ANO5: variants seen among roughly 807,000 people sequenced by gnomAD.
ANO5 encodes anoctamin-5.
ANO5 carries 109 observed loss-of-function variants against 121.0 expected under a neutral mutation model. The observed-to-expected ratio is 0.90, with a 90% confidence interval of 0.77 to 1.06. The LOEUF is 1.06. Ranked by LOEUF, ANO5 falls within the 50% of genes least tolerant of loss-of-function variation. The probability of loss-of-function intolerance (pLI) is 0.00; values close to 1 mark genes in which losing one functional copy is unlikely to be tolerated. For missense variants in ANO5, 1,064 were observed against 1,078.5 expected (o/e 0.99, Z 0.19); for synonymous variants, 406 against 359.9 (o/e 1.13, Z -1.45).
At chr11:22,239,764 C>A in intron 9 of ANO5, 80 bp downstream of exon 9, 1 of 1,082,630 alleles carries the variant, frequency 9.2e-7, no homozygotes, top group South Asian at 1.3e-5. Context: ...ATTTTTTTTA[C>A]TACTATTTTC....
At chr11:22,254,975 C>G (rs1390231659) in intron 12 of ANO5, among the ~76,000 whole-genome samples, 3 of 151,706 alleles carry the variant, frequency 2.0e-5, no homozygotes, top group African/African-American at 7.3e-5. Flanking sequence ...GGTATATTTC[C>G]CCAAGCCTGA....
rs747377540 is a variant in ANO5 at position 22,247,961 on chromosome 11, G to A, written c.879-2276G>A. Among the ~76,000 whole-genome samples, 11 of 152,054 alleles carry A rather than the reference G, an allele frequency of 7.2e-5. No homozygotes were observed. The South Asian group carries it at 8.3e-4, about 11-fold the overall frequency. On this transcript the variant is annotated intron_variant, in intron 9 of 21. Coordinates refer to ENST00000324559, the MANE Select transcript of ANO5 (RefSeq NM_213599.3). ...TTGAAATACTGCTACATACTAAATA[G>A]CATAGACTAAATATATGTGTGGTAC... is the stretch of plus-strand genomic sequence containing the variant.
chr11:22,276,117 C>A lies in ANO5; in HGVS notation c.2438C>A (p.Pro813His), dbSNP rs547523498. 13 of 1,609,556 alleles carry A rather than the reference C, an allele frequency of 8.1e-6. No homozygotes were observed. The highest frequency in any genetic ancestry group is 1.7e-4 in the Middle Eastern group (1 of 6,032). ...AGGTACAGAGATTACAGATATCCTC[C>A]TGATGACGAGAATAAATATTTTCAT... ...TCRYRDYRYP[P>H]DDENKYFHNM... Residue 813 changes from proline (P) to histidine (H), a missense_variant, in exon 21 of 22, where the codon CCT (proline) becomes CAT (histidine). Pro to His is a moderately conservative substitution (Grantham distance 77, BLOSUM62 -2). Transcript: ENST00000324559.
intron 17 of ANO5, among the ~76,000 whole-genome samples, chr11:22,267,549 T>G (rs1854414723): frequency 6.8e-6 from 1 of 146,166 alleles, no homozygotes; most frequent in East Asian, 2.0e-4. Flanking sequence ...TTATACCAAG[T>G]GCAAGGCTAT....
intron 12 of ANO5, among the ~76,000 whole-genome samples, chr11:22,253,528 AG>A (rs1431934241): frequency 6.6e-6 from 1 of 152,170 alleles, no homozygotes; most frequent in Non-Finnish European, 1.5e-5. Context: ...GTTCTATTGT[AG>A]TATAAACAAA....
chr11:22,236,126 T>G, intron 7 of ANO5, 37 bp from the exon 8 acceptor site: 1 of 1,338,856 alleles, frequency 7.5e-7, no homozygotes, highest in Non-Finnish European at 1.1e-6. Context: ...CATAAAGTTC[T>G]GAGATGTGAT....
intron 1 of ANO5, among the ~76,000 whole-genome samples, chr11:22,194,608 T>C (rs1424864849): frequency 1.3e-5 from 2 of 152,130 alleles, no homozygotes; most frequent in South Asian, 4.1e-4. Context: ...CTTCCCATCC[T>C]CCCCACTTCC....
rs186542078 is a variant in ANO5 at position 22,252,655 on chromosome 11, C to G, written c.1180+1644C>G. ...TTTGTAATTTACATTTGATCTCATT[C>G]GTAGTCAATGGACATTTTAATATAT... is the stretch of plus-strand genomic sequence containing the variant. On this transcript the variant is annotated intron_variant, in intron 12 of 21. Transcript: ENST00000324559. Among the ~76,000 whole-genome samples, 41 of 152,090 alleles carry G rather than the reference C, an allele frequency of 2.7e-4. No homozygotes were observed. In the East Asian group the frequency reaches 7.7e-3, roughly 29 times the overall value.
chr11:22,225,953 G>C (rs1465674254), intron 5 of ANO5, 31 bp from the exon 6 acceptor site: 1 of 1,515,504 alleles, frequency 6.6e-7, no homozygotes, highest in South Asian at 1.1e-5. Flanking sequence ...AAAGCATTCT[G>C]CATAATTCTG....
chr11:22,262,178 G>A lies in ANO5; in HGVS notation c.1680G>A (p.Met560Ile). 6.2e-7 allele frequency: 1 copy of A among 1,613,928 alleles called. No individual in the cohort carries two copies. The change falls in exon 16 of 22, where the codon ATG becomes ATA. Residue 560 changes from methionine to isoleucine, a missense_variant. Coordinates refer to ENST00000324559, the MANE Select transcript of ANO5 (RefSeq NM_213599.3). ...QEYESSLTLK[M>I]FLFQFVNFYS... ...ATGAGAGCAGTCTTACCTTGAAAATGTTCCTGTTTCAGTTTGTAAATTTTT... is the reference window on the plus strand; with the variant it reads ...ATGAGAGCAGTCTTACCTTGAAAATATTCCTGTTTCAGTTTGTAAATTTTT...
Position 22,282,154 on chromosome 11 carries a change from A to AT in ANO5, c.*2393dup, listed in dbSNP as rs1413696382. The AT allele has an allele frequency of 2.0e-5, 3 of 152,100 alleles. No individual in the cohort carries two copies. The highest frequency in any genetic ancestry group is 6.6e-5 in the Admixed American group (1 of 15,264). The allele number at this position is 152,100 out of a possible 1,614,324, so 9.4% of individuals were successfully genotyped here. On this transcript the variant is annotated 3_prime_UTR_variant, in exon 22 of 22. Transcript: ENST00000324559. Reference sequence around the variant, plus strand: ...TTGATAATTACCAGCATGGCAGGTGATTTTATCTGCTGACCAAGCGCATAG... The same window carrying AT: ...TTGATAATTACCAGCATGGCAGGTGATTTTTATCTGCTGACCAAGCGCATAG...
At chr11:22,266,575 G>T (rs894261100) in intron 17 of ANO5, among the ~76,000 whole-genome samples, 1 of 151,900 alleles carries the variant, frequency 6.6e-6, no homozygotes, top group East Asian at 1.9e-4. Flanking sequence ...TTAAATGCTT[G>T]TTCATGTTGT....
chr11:22,203,255 G>A (rs527374520), intron 1 of ANO5, among the ~76,000 whole-genome samples: 183 of 152,160 alleles, frequency 1.2e-3, no homozygotes, highest in African/African-American at 3.9e-3. Flanking sequence ...TTTCAGTTCT[G>A]TATTTAACTT....
At chr11:22,223,988 A>G (rs529303569) in intron 5 of ANO5, among the ~76,000 whole-genome samples, 2 of 151,956 alleles carry the variant, frequency 1.3e-5, no homozygotes, top group East Asian at 1.9e-4. Context: ...CTCAGCCCTC[A>G]TCTTACTTGA....
intron 17 of ANO5, among the ~76,000 whole-genome samples, chr11:22,268,555 A>C (rs1854454797): frequency 6.6e-6 from 1 of 152,228 alleles, no homozygotes; most frequent in Non-Finnish European, 1.5e-5. Flanking sequence ...CTATTCAGAC[A>C]ATCACATCAC....
chr11:22,268,549 TCAGA>T (rs755062985), intron 17 of ANO5, among the ~76,000 whole-genome samples: 14 of 152,358 alleles, frequency 9.2e-5, no homozygotes, highest in Non-Finnish European at 1.5e-4. Flanking sequence ...GGTTTTCTAT[TCAGA>T]CAATCACATC....
At chr11:22,194,341 G>C (rs776171593) in intron 1 of ANO5, among the ~76,000 whole-genome samples, 1 of 152,152 alleles carries the variant, frequency 6.6e-6, no homozygotes, top group Non-Finnish European at 1.5e-5. Flanking sequence ...CACAGAAACA[G>C]TTTTCCAAAG....
At chr11:22,271,714 G>T (rs1284454968) in intron 18 of ANO5, among the ~76,000 whole-genome samples, 1 of 152,244 alleles carries the variant, frequency 6.6e-6, no homozygotes, top group East Asian at 1.9e-4. Flanking sequence ...AAACAATTCT[G>T]CAGAGTATTC....
chr11:22,276,046 C>T (rs376290790), intron 20 of ANO5, 48 bp from the exon 21 acceptor site: 4 of 1,248,046 alleles, frequency 3.2e-6, no homozygotes, highest in African/African-American at 3.2e-5. Context: ...CTAGTTGAAG[C>T]TATAACTATT....
Sources: allele counts gnomAD v4.1 joint callset (sites outside exome capture counted in the v4.1 genomes callset), GRCh38; gene constraint gnomAD v4.1.1; transcripts MANE v1.5; gene names NCBI Gene and HGNC (gene_info 2026-07-23, HGNC 2026-07-21).